RIT2: variants seen among roughly 807,000 people sequenced by gnomAD.
The protein encoded by RIT2 is GTP-binding protein Rit2.
In RIT2, 24 loss-of-function variants were observed where a neutral mutation model predicts 23.7. That is an observed-to-expected ratio of 1.01 (90% CI 0.73 to 1.43). RIT2 has a LOEUF of 1.43. RIT2 is among the 40% of genes most tolerant of loss of function. The probability of loss-of-function intolerance (pLI) is 0.00; values close to 1 mark genes in which losing one functional copy is unlikely to be tolerated. For synonymous variants in RIT2, 107 were observed against 91.1 expected (o/e 1.17, Z -0.99); for missense variants, 236 against 266.9 (o/e 0.88, Z 0.81).
chr18:42,782,010 A>G (rs1913821142), intron 4 of RIT2, among the ~76,000 whole-genome samples: 1 of 152,208 alleles, frequency 6.6e-6, no homozygotes, highest in Non-Finnish European at 1.5e-5. Context: ...ACTCCTTGAA[A>G]ATATATTAAA....
At chr18:42,926,439 T>C (rs1358139596) in intron 3 of RIT2, among the ~76,000 whole-genome samples, 1 of 151,960 alleles carries the variant, frequency 6.6e-6, no homozygotes, top group Non-Finnish European at 1.5e-5. Flanking sequence ...TTTTTGTTGT[T>C]CAACTGTATA....
intron 1 of RIT2, among the ~76,000 whole-genome samples, chr18:43,041,246 A>G (rs1912121846): frequency 6.6e-6 from 1 of 152,144 alleles, no homozygotes. Flanking sequence ...ATGAGTAGAG[A>G]AGACATTGGG....
At chr18:42,800,084 A>C (rs1188495027) in intron 4 of RIT2, among the ~76,000 whole-genome samples, 4 of 152,188 alleles carry the variant, frequency 2.6e-5, no homozygotes, top group Non-Finnish European at 5.9e-5. Flanking sequence ...GGCTCAATAA[A>C]CATTGGTTAA....
intron 3 of RIT2, among the ~76,000 whole-genome samples, chr18:42,969,683 A>G (rs924060273): frequency 4.6e-5 from 7 of 152,122 alleles, no homozygotes; most frequent in Admixed American, 2.6e-4. Context: ...AAAAAAAAAA[A>G]AAATTGAAGG....
intron 1 of RIT2, among the ~76,000 whole-genome samples, chr18:43,112,449 T>C (rs1433933429): frequency 6.6e-6 from 1 of 152,228 alleles, no homozygotes; most frequent in Non-Finnish European, 1.5e-5. Context: ...GCATAATACG[T>C]GCTCAGTAAA....
chr18:43,086,632 C>T (rs966726498), intron 1 of RIT2, among the ~76,000 whole-genome samples: 1 of 152,110 alleles, frequency 6.6e-6, no homozygotes, highest in Non-Finnish European at 1.5e-5. Flanking sequence ...CCACAAAAGG[C>T]ACTGCACGGC....
chr18:42,774,612 A>G (rs923618321), intron 4 of RIT2, among the ~76,000 whole-genome samples: 1 of 141,454 alleles, frequency 7.1e-6, no homozygotes, highest in African/African-American at 2.5e-5. Flanking sequence ...CAATCGTTCA[A>G]ATTGACTAGA....
intron 4 of RIT2, among the ~76,000 whole-genome samples, chr18:42,753,807 GTGAAAGTGCTTT>G (rs1293573310): frequency 1.3e-5 from 2 of 152,116 alleles, no homozygotes; most frequent in Admixed American, 6.5e-5. Context: ...ACCAGTTCTA[GTGAAAGTGCTTT>G]TGATTTATTA....
chr18:42,775,766 A>G (rs1473406797), intron 4 of RIT2, among the ~76,000 whole-genome samples: 1 of 151,952 alleles, frequency 6.6e-6, no homozygotes, highest in Non-Finnish European at 1.5e-5. Flanking sequence ...TGACGTCAGG[A>G]CCAAAATATA....
At chr18:42,867,595 A>G (rs73471626) in intron 4 of RIT2, among the ~76,000 whole-genome samples, 19,641 of 151,086 alleles carry the variant, frequency 0.13, 1,315 homozygotes, top group Middle Eastern at 0.25. Context: ...AGACCAGCCT[A>G]GGCAACATAA....
intron 4 of RIT2, among the ~76,000 whole-genome samples, chr18:42,769,738 T>A (rs929455372): frequency 6.6e-6 from 1 of 151,680 alleles, no homozygotes; most frequent in African/African-American, 2.4e-5. Flanking sequence ...AAGAAAGATG[T>A]CTTACTTCCT....
intron 4 of RIT2, among the ~76,000 whole-genome samples, chr18:42,829,135 C>T (rs766432377): frequency 6.6e-6 from 1 of 151,942 alleles, no homozygotes; most frequent in Non-Finnish European, 1.5e-5. Flanking sequence ...TGGATTGGAG[C>T]CAGAAGCCTG....
chr18:42,815,725 C>T (rs775186515), intron 4 of RIT2, among the ~76,000 whole-genome samples: 1 of 152,066 alleles, frequency 6.6e-6, no homozygotes, highest in Non-Finnish European at 1.5e-5. Context: ...GAGGGTAAGG[C>T]CTTTCTTATG....
intron 4 of RIT2, among the ~76,000 whole-genome samples, chr18:42,877,571 T>C (rs956144396): frequency 6.6e-6 from 1 of 150,758 alleles, no homozygotes; most frequent in Non-Finnish European, 1.5e-5. Flanking sequence ...CATATCTATA[T>C]ACAAATAAAG....
At position 43,099,823 on chromosome 18, in the gene RIT2, C is replaced by A. The variant is rs534411934; in HGVS notation, c.103+15594G>T. Among the ~76,000 whole-genome samples the A allele has an allele frequency of 5.3e-5, 8 of 152,198 alleles. No homozygotes were observed. In the South Asian group the frequency reaches 1.7e-3, roughly 32 times the overall value. The stretch of plus-strand genomic sequence containing the variant: ...TTTTTGGCTTAGGCCCCAACGCTCT[C>A]CTATCAATCACTAAATGCTTTTGGC... On this transcript the variant is annotated intron_variant, in intron 1 of 4. Transcript: ENST00000326695.
chr18:42,993,247 A>G lies in RIT2; in HGVS notation c.161-19100T>C, dbSNP rs538669053. On this transcript the variant is annotated intron_variant, in intron 2 of 4. Transcript: ENST00000326695. Reference sequence around the variant, plus strand: ...TATGTGGGACCCCACTGAAAGTTGGACTGTTCAACTCACCTGGTAGCCACT... The same window carrying G: ...TATGTGGGACCCCACTGAAAGTTGGGCTGTTCAACTCACCTGGTAGCCACT... Among the ~76,000 whole-genome samples, 205 of 152,266 alleles carry G rather than the reference A, an allele frequency of 1.3e-3. 1 individual carries two copies. The highest frequency in any genetic ancestry group is 4.7e-3 in the African/African-American group (195 of 41,566).
chr18:42,872,732 C>T (rs1201580770), intron 4 of RIT2, among the ~76,000 whole-genome samples: 1 of 152,064 alleles, frequency 6.6e-6, no homozygotes, highest in Non-Finnish European at 1.5e-5. Flanking sequence ...AACATAATTA[C>T]TTAGTAATGG....
intron 1 of RIT2, among the ~76,000 whole-genome samples, chr18:43,093,016 C>T (rs1180499024): frequency 6.6e-6 from 1 of 151,988 alleles, no homozygotes; most frequent in Non-Finnish European, 1.5e-5. Flanking sequence ...AATTTCTACA[C>T]AATAGCTATC....
intron 2 of RIT2, among the ~76,000 whole-genome samples, chr18:42,993,118 C>T (rs1910894104): frequency 6.6e-6 from 1 of 152,200 alleles, no homozygotes; most frequent in Admixed American, 6.5e-5. Context: ...CCAGGTGTTC[C>T]TCCAGAACCT....
Sources: allele counts gnomAD v4.1 joint callset (sites outside exome capture counted in the v4.1 genomes callset), GRCh38; gene constraint gnomAD v4.1.1; transcripts MANE v1.5; gene names NCBI Gene and HGNC (gene_info 2026-07-23, HGNC 2026-07-21).